FGF12: variants seen among roughly 807,000 people sequenced by gnomAD.
FGF12 encodes fibroblast growth factor 12.
Under a neutral mutation model 23.6 loss-of-function variants are expected in FGF12, and 14 were observed. The observed-to-expected ratio is 0.59, with a 90% confidence interval of 0.39 to 0.93. The LOEUF (loss-of-function observed/expected upper bound fraction) is 0.93. Ranked by LOEUF, FGF12 falls within the 40% of genes least tolerant of loss-of-function variation. The pLI is 0.00. For synonymous variants in FGF12, 62 were observed against 77.3 expected (o/e 0.80, Z 1.04); for missense variants, 175 against 217.8 (o/e 0.80, Z 1.24).
chr3:192,344,832 C>A (rs867934210), intron 3 of FGF12, among the ~76,000 whole-genome samples: 2 of 152,072 alleles, frequency 1.3e-5, no homozygotes, highest in Non-Finnish European at 2.9e-5. Flanking sequence ...GTCAATTAAA[C>A]GTGATTATTT....
chr3:192,343,639 A>G (rs1321513380), intron 3 of FGF12, among the ~76,000 whole-genome samples: 1 of 152,130 alleles, frequency 6.6e-6, no homozygotes, highest in African/African-American at 2.4e-5. Flanking sequence ...ATCTTCCAAT[A>G]CAAAAGTGGT....
intron 4 of FGF12, among the ~76,000 whole-genome samples, chr3:192,317,736 A>T (rs968496476): frequency 6.6e-6 from 1 of 152,138 alleles, no homozygotes; most frequent in African/African-American, 2.4e-5. Context: ...GAGTGAACAT[A>T]GGTAGTAACC....
chr3:192,246,594 T>C (rs1711581054), intron 4 of FGF12, among the ~76,000 whole-genome samples: 1 of 151,766 alleles, frequency 6.6e-6, no homozygotes, highest in Non-Finnish European at 1.5e-5. Flanking sequence ...GAGACCGAGG[T>C]GGGTGGATCA....
chr3:192,149,359 A>C (rs1020292810), intron 5 of FGF12, among the ~76,000 whole-genome samples: 3 of 150,396 alleles, frequency 2.0e-5, no homozygotes, highest in Non-Finnish European at 3.0e-5. Flanking sequence ...ACATGTGCAC[A>C]TTGTGCAGGT....
At position 192,144,031 on chromosome 3, in the gene FGF12, A is replaced by G. The variant is rs1325978963; in HGVS notation, c.524T>C (p.Val175Ala). ...CAGCTATGTTGAATCTTGATTCACA[A>G]CTTTGCCTCCATTCATGGTTGGTGT... is the stretch of plus-strand genomic sequence containing the variant. ...SGTPTMNGGKVVNQDST is the reference protein window; with the variant it reads ...SGTPTMNGGKAVNQDST Residue 175 changes from valine to alanine, a missense_variant, in exon 6 of 6, where the codon GTT becomes GCT. Transcript: ENST00000445105. 2.5e-6 allele frequency: 4 copies of G among 1,611,560 alleles called. No homozygotes were observed. In the African/African-American group the frequency reaches 4.0e-5, roughly 16 times the overall value.
chr3:192,591,644 A>G (rs369906660), intron 2 of FGF12, among the ~76,000 whole-genome samples: 11 of 151,930 alleles, frequency 7.2e-5, no homozygotes, highest in African/African-American at 2.7e-4. Context: ...AGGCAAAAAG[A>G]TATTTAGTAC....
At chr3:192,590,436 A>G (rs571985092) in intron 2 of FGF12, among the ~76,000 whole-genome samples, 1 of 152,126 alleles carries the variant, frequency 6.6e-6, no homozygotes, top group Admixed American at 6.6e-5. Flanking sequence ...ACATATCAGT[A>G]GAACTGCAGA....
At chr3:192,675,348 A>T (rs951208747) in intron 2 of FGF12, among the ~76,000 whole-genome samples, 5 of 152,136 alleles carry the variant, frequency 3.3e-5, no homozygotes, top group Non-Finnish European at 5.9e-5. Context: ...CTAAGAAAAC[A>T]AAATTTAAGA....
chr3:192,391,842 T>C (rs1720304836), intron 2 of FGF12, among the ~76,000 whole-genome samples: 1 of 152,224 alleles, frequency 6.6e-6, no homozygotes, highest in Non-Finnish European at 1.5e-5. Context: ...ATAGATGAGC[T>C]TAAAGCCACC....
intron 2 of FGF12, among the ~76,000 whole-genome samples, chr3:192,510,256 A>G (rs967785390): frequency 6.6e-6 from 1 of 152,222 alleles, no homozygotes; most frequent in Admixed American, 6.5e-5. Context: ...TATTGGGTGA[A>G]AAGTGCTAAT....
At chr3:192,469,228 T>A (rs1391746357) in intron 2 of FGF12, among the ~76,000 whole-genome samples, 1 of 152,172 alleles carries the variant, frequency 6.6e-6, no homozygotes, top group Non-Finnish European at 1.5e-5. Flanking sequence ...AGAATGCAAT[T>A]TAGAAATGAA....
intron 4 of FGF12, among the ~76,000 whole-genome samples, chr3:192,236,826 C>T (rs1719326540): frequency 6.6e-6 from 1 of 152,094 alleles, no homozygotes; most frequent in African/African-American, 2.4e-5. Flanking sequence ...CATTTAGTAC[C>T]TTTACATTCA....
intron 4 of FGF12, among the ~76,000 whole-genome samples, chr3:192,333,859 A>C (rs1717253142): frequency 6.6e-6 from 1 of 152,090 alleles, no homozygotes; most frequent in Non-Finnish European, 1.5e-5. Context: ...AATGTGGTAC[A>C]CATGGTTATA....
At chr3:192,381,049 A>C (rs1719793265) in intron 2 of FGF12, among the ~76,000 whole-genome samples, 1 of 151,728 alleles carries the variant, frequency 6.6e-6, no homozygotes, top group Non-Finnish European at 1.5e-5. Flanking sequence ...CATTTTCTTC[A>C]TGCTAAGTCT....
chr3:192,612,481 T>C (rs752768258), intron 2 of FGF12, among the ~76,000 whole-genome samples: 2 of 151,944 alleles, frequency 1.3e-5, no homozygotes, highest in Non-Finnish European at 2.9e-5. Flanking sequence ...TTCATCTTAA[T>C]TAAGAATAAA....
chr3:192,324,166 C>A (rs1427624977), intron 4 of FGF12, among the ~76,000 whole-genome samples: 4 of 151,834 alleles, frequency 2.6e-5, no homozygotes, highest in Non-Finnish European at 4.4e-5. Context: ...CACGTGCCCA[C>A]AAAACTTAAA....
intron 4 of FGF12, among the ~76,000 whole-genome samples, chr3:192,172,272 C>G (rs959681583): frequency 1.4e-5 from 2 of 144,718 alleles, no homozygotes; most frequent in Non-Finnish European, 3.1e-5. Context: ...GCCTGTATTT[C>G]CAGCTACTCG....
At chr3:192,436,221 G>A (rs1722020958) in intron 2 of FGF12, among the ~76,000 whole-genome samples, 1 of 152,140 alleles carries the variant, frequency 6.6e-6, no homozygotes, top group Non-Finnish European at 1.5e-5. Flanking sequence ...AGCCTCCTGG[G>A]CCAAAAATTA....
chr3:192,317,477 C>T (rs564311518), intron 4 of FGF12, among the ~76,000 whole-genome samples: 1 of 152,028 alleles, frequency 6.6e-6, no homozygotes, highest in South Asian at 2.1e-4. Context: ...TGGTAGTGGC[C>T]ACAGGAAGAG....
Sources: gnomAD v4.1 joint callset for allele counts (sites outside exome capture counted in the v4.1 genomes callset) on GRCh38, gnomAD v4.1.1 for gene constraint, MANE v1.5 for transcripts, NCBI Gene and HGNC (gene_info 2026-07-23, HGNC 2026-07-21) for gene names.